Variants in USH2A observed in about 807,000 individuals in gnomAD.
USH2A encodes the protein usherin.
A neutral mutation model predicts 538.9 loss-of-function variants in USH2A; 443 were observed. The observed-to-expected ratio is 0.82, with a 90% CI of 0.76 to 0.89. The LOEUF (loss-of-function observed/expected upper bound fraction) is 0.89. Ranked by LOEUF, USH2A falls within the 40% of genes least tolerant of loss-of-function variation. The pLI is 0.00. For synonymous variants in USH2A, 2,413 were observed against 2,273.5 expected (o/e 1.06, Z -1.75); for missense variants, 6,633 against 6,324.8 (o/e 1.05, Z -1.65).
chr1:216,137,365 G>C (rs1376085915), intron 21 of USH2A, among the ~76,000 whole-genome samples: 1 of 152,142 alleles, frequency 6.6e-6, no homozygotes, highest in African/African-American at 2.4e-5. Flanking sequence ...GAGGTGAAAG[G>C]CACTTCTTAC....
chr1:215,866,422 C>A (rs544646633), intron 44 of USH2A, among the ~76,000 whole-genome samples: 1 of 152,292 alleles, frequency 6.6e-6, no homozygotes, highest in African/African-American at 2.4e-5. Flanking sequence ...GTCGACCCTG[C>A]ATTATTTAAG....
chr1:215,750,566 A>G (rs1304996681), intron 58 of USH2A, among the ~76,000 whole-genome samples: 1 of 152,194 alleles, frequency 6.6e-6, no homozygotes, highest in Non-Finnish European at 1.5e-5. Context: ...CCTGAATTAC[A>G]TTGTCCTCAT....
intron 60 of USH2A, among the ~76,000 whole-genome samples, chr1:215,734,280 C>T (rs1039293285): frequency 6.6e-6 from 1 of 152,168 alleles, no homozygotes; most frequent in Admixed American, 6.5e-5. Context: ...CAAGAGTAGT[C>T]AGGATGTGGG....
chr1:216,095,683 C>T (rs1392741846), intron 22 of USH2A, among the ~76,000 whole-genome samples: 1 of 152,140 alleles, frequency 6.6e-6, no homozygotes, highest in Non-Finnish European at 1.5e-5. Flanking sequence ...TGTCCCTGGT[C>T]CTTCGAGTGG....
At chr1:216,292,056 T>A (rs1216563563) in intron 10 of USH2A, 119 bp downstream of exon 10, 10 of 1,207,268 alleles carry the variant, frequency 8.3e-6, no homozygotes, top group Non-Finnish European at 3.6e-6. Context: ...ATTTTCAAAC[T>A]TAAAGGTATG....
rs1403136669 is a variant in USH2A, at chr1:216,246,868, G to GA, written c.2525dup (p.Leu843ProfsTer8). ...TATCACAGTTGCAAGGCAGACAGAG[G>GA]AAAGAATTATTTTGCCGTAGGTAGA... On this transcript the variant is annotated frameshift_variant, in exon 13 of 72. Coordinates refer to ENST00000307340, the MANE Select transcript of USH2A (RefSeq NM_206933.4). LOFTEE classifies it high-confidence loss of function. The GA allele has an allele frequency of 1.2e-6, 2 of 1,614,002 alleles. No homozygotes were observed. The highest frequency in any genetic ancestry group is 1.7e-6 in the Non-Finnish European group (2 of 1,179,990).
intron 37 of USH2A, among the ~76,000 whole-genome samples, chr1:215,943,335 G>A (rs1558173961): frequency 6.6e-6 from 1 of 152,034 alleles, no homozygotes; most frequent in Non-Finnish European, 1.5e-5. Flanking sequence ...AATGCAGTAA[G>A]TATTTAATAA....
chr1:216,123,982 A>C (rs1434742779), intron 21 of USH2A, among the ~76,000 whole-genome samples: 3 of 152,134 alleles, frequency 2.0e-5, no homozygotes, highest in African/African-American at 7.2e-5. Flanking sequence ...ACCAGGCTTG[A>C]CTATGTTCTA....
At chr1:215,679,442 GAGGTAAAGGCAGTAGTATGAACTAAC>G (rs2102671011) in intron 62 of USH2A, among the ~76,000 whole-genome samples, 1 of 152,300 alleles carries the variant, frequency 6.6e-6, no homozygotes, top group East Asian at 1.9e-4. Context: ...GGAGAGACTG[GAGGTAAAGGCAGTAGTATGAACTAAC>G]AGGTATGTCT....
chr1:215,657,576 C>G (rs1436383563), intron 64 of USH2A, among the ~76,000 whole-genome samples: 3 of 152,164 alleles, frequency 2.0e-5, no homozygotes, highest in Non-Finnish European at 4.4e-5. Flanking sequence ...TTGCTGGATA[C>G]AATACAGTCA....
intron 21 of USH2A, among the ~76,000 whole-genome samples, chr1:216,130,031 A>G (rs562466124): frequency 2.0e-5 from 3 of 152,198 alleles, no homozygotes; most frequent in South Asian, 2.1e-4. Context: ...CTAGAATGCT[A>G]TCTCTTGCCA....
At chr1:215,740,802 G>A (rs964109228) in intron 60 of USH2A, among the ~76,000 whole-genome samples, 6 of 152,112 alleles carry the variant, frequency 3.9e-5, no homozygotes, top group Non-Finnish European at 5.9e-5. Flanking sequence ...TAGGGTGTAC[G>A]GTTTCAAGAT....
At chr1:215,682,564 G>A (rs773931813) in intron 61 of USH2A, among the ~76,000 whole-genome samples, 1 of 151,796 alleles carries the variant, frequency 6.6e-6, no homozygotes, top group Non-Finnish European at 1.5e-5. Context: ...AAACATTTAC[G>A]GCTCAGATCC....
At chr1:216,003,315 G>C (rs1032983333) in intron 32 of USH2A, among the ~76,000 whole-genome samples, 2 of 152,120 alleles carry the variant, frequency 1.3e-5, no homozygotes, top group East Asian at 1.9e-4. Context: ...GGGTAAGAAA[G>C]GTGTTGCATT....
rs114116572 is a variant in USH2A at position 215,675,313 on chromosome 1, A to C, written c.12598T>G (p.Trp4200Gly). 198 of 1,614,084 alleles carry C rather than the reference A, an allele frequency of 1.2e-4. No homozygotes were observed. The African/African-American group carries it at 2.3e-3, about 19-fold the overall frequency. The change falls in exon 63 of 72, where the codon TGG (tryptophan) becomes GGG (glycine). Residue 4200 changes from tryptophan (W) to glycine (G), a missense_variant. Physicochemically the swap from Trp to Gly is radical, Grantham distance 184 (BLOSUM62 -2). Transcript: ENST00000307340. ...VIRRCFEGKA[W>G]GNQTIQADEK... is the part of the protein sequence containing the mutation. The stretch of plus-strand genomic sequence containing the variant: ...TCGGCCTGGATTGTCTGATTTCCCC[A>C]AGCTTTTCCCTCGAAGCATCTGCGA...
intron 3 of USH2A, among the ~76,000 whole-genome samples, chr1:216,370,160 A>G (rs2038678715): frequency 6.6e-6 from 1 of 152,026 alleles, no homozygotes. Context: ...AAAGTTCTAG[A>G]CCAGCCTGGC....
chr1:215,906,949 C>T (rs1231381041), intron 38 of USH2A, among the ~76,000 whole-genome samples: 1 of 151,954 alleles, frequency 6.6e-6, no homozygotes. Context: ...TATCCTCTCA[C>T]CAAATAAGGA....
chr1:215,972,236 A>T (rs1054882411), intron 35 of USH2A, among the ~76,000 whole-genome samples: 1 of 152,174 alleles, frequency 6.6e-6, no homozygotes, highest in Non-Finnish European at 1.5e-5. Flanking sequence ...TAGCTCCAAG[A>T]GCTGAGGGCT....
intron 20 of USH2A, among the ~76,000 whole-genome samples, chr1:216,177,230 T>C (rs1335408063): frequency 1.3e-5 from 2 of 152,186 alleles, no homozygotes; most frequent in African/African-American, 4.8e-5. Context: ...CATTTGGTGT[T>C]GTCAGTGTTC....
Sources: gnomAD v4.1 joint callset for allele counts (sites outside exome capture counted in the v4.1 genomes callset) on GRCh38, gnomAD v4.1.1 for gene constraint, MANE v1.5 for transcripts, NCBI Gene and HGNC (gene_info 2026-07-23, HGNC 2026-07-21) for gene names.